Variants in SLC17A5 observed in about 807,000 individuals in gnomAD.
SLC17A5 encodes the protein sialin.
A neutral mutation model predicts 59.4 loss-of-function variants in SLC17A5; 47 were observed. The observed-to-expected ratio is 0.79, with a 90% CI of 0.63 to 1.01. The LOEUF (loss-of-function observed/expected upper bound fraction) is 1.01. Among genes scored for constraint, SLC17A5 ranks in the 50% least tolerant of loss-of-function variants. The pLI, the probability that SLC17A5 is intolerant of heterozygous loss-of-function variation, is 0.00. For missense variants in SLC17A5, 522 were observed against 595.5 expected (o/e 0.88, Z 1.28); for synonymous variants, 202 against 210.7 (o/e 0.96, Z 0.36).
intron 1 of SLC17A5, among the ~76,000 whole-genome samples, chr6:73,645,782 T>C (rs1351424453): frequency 1.9e-5 from 2 of 103,722 alleles, no homozygotes; most frequent in African/African-American, 4.4e-5. Flanking sequence ...AGACAGAGAC[T>C]CCGTCTCAAA....
chr6:73,615,484 G>A, intron 7 of SLC17A5, 37 bp from the exon 8 acceptor site: 1 of 1,609,802 alleles, frequency 6.2e-7, no homozygotes, highest in Non-Finnish European at 8.5e-7. Context: ...TAATTACGGT[G>A]AGAGAAAAAA....
intron 9 of SLC17A5, among the ~76,000 whole-genome samples, chr6:73,603,294 G>C (rs1278089842): frequency 2.6e-5 from 4 of 152,092 alleles, no homozygotes; most frequent in Non-Finnish European, 2.9e-5. Flanking sequence ...ATGTAGGTCA[G>C]GCTGGTCTTG....
intron 6 of SLC17A5, among the ~76,000 whole-genome samples, chr6:73,623,767 G>A (rs34342150): frequency 0.22 from 33,150 of 150,324 alleles, 3,844 homozygotes; most frequent in Non-Finnish European, 0.25. Context: ...GCGCGATTTC[G>A]GCTCACTGCA....
At chr6:73,614,638 G>GTT (rs1767776937) in intron 8 of SLC17A5, among the ~76,000 whole-genome samples, 1 of 152,136 alleles carries the variant, frequency 6.6e-6, no homozygotes, top group African/African-American at 2.4e-5. Flanking sequence ...GGGGCTGAAG[G>GTT]TTGAGCCAGT....
chr6:73,643,423 G>T (rs1272235017), intron 2 of SLC17A5, among the ~76,000 whole-genome samples: 1 of 151,790 alleles, frequency 6.6e-6, no homozygotes, highest in Non-Finnish European at 1.5e-5. Flanking sequence ...GCCTCCCAAA[G>T]TGCTGGGATT....
intron 7 of SLC17A5, among the ~76,000 whole-genome samples, chr6:73,620,650 G>T (rs544248988): frequency 6.6e-6 from 1 of 152,080 alleles, no homozygotes; most frequent in East Asian, 1.9e-4. Context: ...AGTGACTGAG[G>T]ATTCACTTTA....
chr6:73,652,024 G>A (rs1165973160), intron 1 of SLC17A5, among the ~76,000 whole-genome samples: 2 of 152,190 alleles, frequency 1.3e-5, no homozygotes, highest in Middle Eastern at 3.4e-3. Context: ...TTACATGGGG[G>A]CTCATTATAT....
intron 6 of SLC17A5, among the ~76,000 whole-genome samples, chr6:73,623,918 C>T (rs965738392): frequency 2.7e-5 from 4 of 149,908 alleles, no homozygotes; most frequent in African/African-American, 9.8e-5. Flanking sequence ...AGGATGGTCT[C>T]GATCTCCTGA....
In SLC17A5 at chr6:73,612,448, C is replaced by G. The variant is rs476996; in HGVS notation, c.1112-1901G>C. Among the ~76,000 whole-genome samples the G allele has an allele frequency of 4.9e-3, 738 of 152,088 alleles. 17 individuals carry two copies. The South Asian group carries it at 0.069, about 14-fold the overall frequency. ...TGCTGGGATTACAGGCAACAGCCACCGAGCCCAGCCAGGGTCTTTTTATAA... is the reference window on the plus strand; with the variant it reads ...TGCTGGGATTACAGGCAACAGCCACGGAGCCCAGCCAGGGTCTTTTTATAA... On this transcript the variant is annotated intron_variant, in intron 8 of 10. Transcript: ENST00000355773.
At chr6:73,603,061 TTC>T (rs1281668369) in intron 9 of SLC17A5, among the ~76,000 whole-genome samples, 5 of 152,220 alleles carry the variant, frequency 3.3e-5, no homozygotes, top group Admixed American at 3.3e-4. Flanking sequence ...TCCTATTTTT[TTC>T]TGTCTGTATA....
At chr6:73,645,014 G>T (rs1254161647) in intron 1 of SLC17A5, among the ~76,000 whole-genome samples, 1 of 152,128 alleles carries the variant, frequency 6.6e-6, no homozygotes, top group Non-Finnish European at 1.5e-5. Flanking sequence ...TATCACCTTT[G>T]CTGAGAAAAA....
rs1279934332 is a variant in SLC17A5, at chr6:73,606,996, A to G, written c.1259+3404T>C. ...TGCCATTTTGGCTCTTAGTGACCCA[A>G]TGGTGGCTCTTTAGTGGTCAGCATT... is the stretch of plus-strand genomic sequence containing the variant. On this transcript the variant is annotated intron_variant, in intron 9 of 10. Transcript: ENST00000355773. Among the ~76,000 whole-genome samples the G allele has an allele frequency of 4.6e-5, 7 of 152,198 alleles. 1 individual carries two copies. The highest frequency in any genetic ancestry group is 2.0e-4 in the Admixed American group (3 of 15,270).
intron 9 of SLC17A5, among the ~76,000 whole-genome samples, chr6:73,607,019 A>G (rs1384490135): frequency 2.0e-5 from 3 of 152,250 alleles, no homozygotes; most frequent in African/African-American, 7.2e-5. Context: ...AGTGGTCAGC[A>G]TTTTCCTTTC....
intron 1 of SLC17A5, among the ~76,000 whole-genome samples, chr6:73,645,859 G>A (rs1769534101): frequency 6.6e-6 from 1 of 151,788 alleles, no homozygotes; most frequent in East Asian, 1.9e-4. Context: ...CATGTGAGAG[G>A]AGGAGTTTGA....
chr6:73,595,298 T>C (rs1581948642), intron 10 of SLC17A5, 84 bp from the exon 11 acceptor site: 7 of 1,436,076 alleles, frequency 4.9e-6, no homozygotes, highest in Non-Finnish European at 6.8e-6. Context: ...ACAAGAGTGT[T>C]AAAACAGCCA....
At chr6:73,602,692 G>A (rs558249520) in intron 9 of SLC17A5, among the ~76,000 whole-genome samples, 2 of 151,558 alleles carry the variant, frequency 1.3e-5, no homozygotes, top group South Asian at 2.1e-4. Flanking sequence ...GGAGAATGGC[G>A]TGAACCTGGG....
intron 8 of SLC17A5, among the ~76,000 whole-genome samples, chr6:73,611,285 C>T (rs1767628295): frequency 6.6e-6 from 1 of 152,070 alleles, no homozygotes; most frequent in South Asian, 2.1e-4. Context: ...TTCATTCTCT[C>T]TCTCTTTTTT....
At chr6:73,611,625 T>A (rs1289828805) in intron 8 of SLC17A5, among the ~76,000 whole-genome samples, 1 of 151,800 alleles carries the variant, frequency 6.6e-6, no homozygotes, top group Non-Finnish European at 1.5e-5. Flanking sequence ...GAATCCTCCC[T>A]ATTATTAACA....
At chr6:73,639,460 A>G (rs1160568911) in intron 3 of SLC17A5, among the ~76,000 whole-genome samples, 1 of 152,248 alleles carries the variant, frequency 6.6e-6, no homozygotes, top group Non-Finnish European at 1.5e-5. Context: ...ATGGAAGGCA[A>G]AGATGATTTA....
Sources: gnomAD v4.1 joint callset for allele counts (sites outside exome capture counted in the v4.1 genomes callset) on GRCh38, gnomAD v4.1.1 for gene constraint, MANE v1.5 for transcripts, NCBI Gene and HGNC (gene_info 2026-07-23, HGNC 2026-07-21) for gene names.